Variants in OPCML observed in about 807,000 individuals in gnomAD.
OPCML encodes the protein opioid binding protein/cell adhesion molecule like.
OPCML carries 13 observed loss-of-function variants against 37.8 expected under a neutral mutation model. The ratio of observed to expected loss-of-function variants is 0.34; its 90% confidence interval spans 0.22 to 0.55. The LOEUF (loss-of-function observed/expected upper bound fraction) is 0.55, where lower values mean the gene tolerates loss of function less well. OPCML is among the 20% of genes least tolerant of loss of function. The pLI is 0.91. For synonymous variants in OPCML, 176 were observed against 168.8 expected (o/e 1.04, Z -0.33); for missense variants, 341 against 435.6 (o/e 0.78, Z 1.93).
intron 2 of OPCML, among the ~76,000 whole-genome samples, chr11:132,725,886 T>A (rs1446217786): frequency 6.6e-6 from 1 of 152,070 alleles, no homozygotes. Flanking sequence ...ATGCTACCAG[T>A]CTCTTTGCTA....
intron 1 of OPCML, among the ~76,000 whole-genome samples, chr11:133,243,195 A>G (rs1448875079): frequency 6.6e-6 from 1 of 152,212 alleles, no homozygotes; most frequent in Non-Finnish European, 1.5e-5. Flanking sequence ...AACACCAGTT[A>G]CAACGCTGAA....
chr11:132,426,947 G>T (rs2136681544), intron 7 of OPCML, among the ~76,000 whole-genome samples: 1 of 152,228 alleles, frequency 6.6e-6, no homozygotes, highest in South Asian at 2.1e-4. Flanking sequence ...AAATATAGAA[G>T]CTTCCTGCTG....
At chr11:133,504,625 C>T (rs945105653) in intron 1 of OPCML, among the ~76,000 whole-genome samples, 5 of 152,304 alleles carry the variant, frequency 3.3e-5, no homozygotes, top group Non-Finnish European at 4.4e-5. Flanking sequence ...AGCTTTGTTG[C>T]GGCGATGTTT....
At chr11:133,457,970 C>A (rs1007660812) in intron 1 of OPCML, among the ~76,000 whole-genome samples, 1 of 151,850 alleles carries the variant, frequency 6.6e-6, no homozygotes, top group African/African-American at 2.4e-5. Context: ...CATGGTGAAA[C>A]CCTGTCTCTA....
chr11:132,737,162 C>T (rs1945287340), intron 2 of OPCML, among the ~76,000 whole-genome samples: 1 of 152,138 alleles, frequency 6.6e-6, no homozygotes, highest in South Asian at 2.1e-4. Context: ...TCCGTAACTA[C>T]AGGTTAGTGG....
chr11:133,137,584 T>C (rs146919135), intron 1 of OPCML, among the ~76,000 whole-genome samples: 1 of 152,300 alleles, frequency 6.6e-6, no homozygotes, highest in African/African-American at 2.4e-5. Flanking sequence ...ATCTTTAGGA[T>C]CCATAAAATT....
chr11:132,973,778 C>A (rs1468612250), intron 1 of OPCML, among the ~76,000 whole-genome samples: 1 of 152,240 alleles, frequency 6.6e-6, no homozygotes, highest in Admixed American at 6.5e-5. Flanking sequence ...CTCCAATCTT[C>A]TCATTCCCCT....
intron 1 of OPCML, among the ~76,000 whole-genome samples, chr11:132,978,413 G>A (rs140248291): frequency 5.3e-5 from 8 of 152,218 alleles, no homozygotes; most frequent in Non-Finnish European, 7.4e-5. Flanking sequence ...TATCTTCTCC[G>A]CTGAAAAGCC....
intron 2 of OPCML, among the ~76,000 whole-genome samples, chr11:132,903,892 G>A (rs569538488): frequency 1.2e-4 from 19 of 152,292 alleles, no homozygotes; most frequent in Middle Eastern, 3.4e-3. Context: ...AATGGTTGAC[G>A]AAATTGGCGT....
intron 4 of OPCML, among the ~76,000 whole-genome samples, chr11:132,469,507 GTGTATGTGTGTGGGGTGTGTGTGTA>G (rs1392971715): frequency 4.0e-5 from 6 of 151,044 alleles, no homozygotes; most frequent in Admixed American, 6.6e-5. Context: ...ATGTATGTGT[GTGTATGTGTGTGGGGTGTGTGTGTA>G]TGTATGTGTG....
intron 1 of OPCML, among the ~76,000 whole-genome samples, chr11:133,392,611 T>C (rs1945196238): frequency 6.6e-6 from 1 of 152,182 alleles, no homozygotes. Context: ...TGTGCACTTG[T>C]TCTGCAGCTC....
At chr11:132,753,022 T>A (rs1438853714) in intron 2 of OPCML, among the ~76,000 whole-genome samples, 1 of 152,284 alleles carries the variant, frequency 6.6e-6, no homozygotes, top group Admixed American at 6.5e-5. Flanking sequence ...GGTGTAATAA[T>A]TTATAGCACC....
chr11:133,113,168 A>G (rs969116765), intron 1 of OPCML, among the ~76,000 whole-genome samples: 1 of 152,198 alleles, frequency 6.6e-6, no homozygotes, highest in East Asian at 1.9e-4. Context: ...GCCTTTCCCC[A>G]GAGCTAAACT....
chr11:132,626,812 T>TTCTCTCTC (rs375135656), intron 3 of OPCML, among the ~76,000 whole-genome samples: 12 of 147,280 alleles, frequency 8.1e-5, no homozygotes, highest in African/African-American at 2.3e-4. Flanking sequence ...AAAGGGAAGT[T>TTCTCTCTC]TCTCTCTCTC....
At chr11:132,846,696 G>C (rs1941556527) in intron 2 of OPCML, among the ~76,000 whole-genome samples, 1 of 152,186 alleles carries the variant, frequency 6.6e-6, no homozygotes, top group African/African-American at 2.4e-5. Flanking sequence ...AATGATTGTT[G>C]AGAATTTGCT....
At chr11:133,289,534 G>A (rs1043330736) in intron 1 of OPCML, among the ~76,000 whole-genome samples, 62 of 145,554 alleles carry the variant, frequency 4.3e-4, no homozygotes, top group African/African-American at 1.5e-3. Context: ...GGCGGAGCTT[G>A]CAGTGAGCCG....
chr11:133,475,027 G>C (rs765652097), intron 1 of OPCML, among the ~76,000 whole-genome samples: 2 of 152,044 alleles, frequency 1.3e-5, no homozygotes, highest in African/African-American at 2.4e-5. Context: ...GCAATCCGTG[G>C]GACATGCCAC....
At chr11:133,327,624 C>T (rs564188651) in intron 1 of OPCML, among the ~76,000 whole-genome samples, 4 of 151,108 alleles carry the variant, frequency 2.6e-5, no homozygotes, top group Non-Finnish European at 5.9e-5. Flanking sequence ...GGTTATCTAC[C>T]TAACTTCTGT....
At chr11:133,199,134 G>C (rs1260921668) in intron 1 of OPCML, among the ~76,000 whole-genome samples, 3 of 152,034 alleles carry the variant, frequency 2.0e-5, no homozygotes, top group African/African-American at 7.2e-5. Flanking sequence ...CAGACATTTT[G>C]GGCAAACCTA....
Sources: gnomAD v4.1 joint callset for allele counts (sites outside exome capture counted in the v4.1 genomes callset) on GRCh38, gnomAD v4.1.1 for gene constraint, MANE v1.5 for transcripts, NCBI Gene and HGNC (gene_info 2026-07-23, HGNC 2026-07-21) for gene names.